Variants in PCDH15 observed in about 807,000 individuals in gnomAD.
PCDH15 encodes the protein protocadherin-15.
Under a neutral mutation model 178.5 loss-of-function variants are expected in PCDH15, and 129 were observed. That is an observed-to-expected ratio of 0.72 (90% CI 0.63 to 0.84). The LOEUF is 0.84. Among genes scored for constraint, PCDH15 ranks in the 40% least tolerant of loss-of-function variants. The pLI is 0.00. For missense variants in PCDH15, 2,230 were observed against 2,099.9 expected (o/e 1.06, Z -1.21); for synonymous variants, 800 against 732.0 (o/e 1.09, Z -1.50).
chr10:54,721,350 A>G lies in PCDH15; in HGVS notation c.-28-57060T>C, dbSNP rs367667814. Among the ~76,000 whole-genome samples, 18 of 151,968 alleles carry G rather than the reference A, an allele frequency of 1.2e-4. No individual in the cohort carries two copies. In the East Asian group the frequency reaches 3.5e-3, roughly 29 times the overall value. On this transcript the variant is annotated intron_variant, in intron 1 of 37. Transcript: ENST00000644397. ...TAGAAAAAGGACAAACCAGACCCAA[A>G]TCTAGCAGAAGAAAAAAAATAACAA...
intron 21 of PCDH15, among the ~76,000 whole-genome samples, chr10:53,983,777 T>C (rs1459095379): frequency 6.6e-6 from 1 of 152,216 alleles, no homozygotes; most frequent in African/African-American, 2.4e-5. Flanking sequence ...AAAAAATTCA[T>C]GTAGCCAAAG....
chr10:54,153,206 T>C lies in PCDH15; in HGVS notation c.1678A>G (p.Lys560Glu), dbSNP rs2044725344. Reference sequence around the variant, plus strand: ...GCGATGGTGATAAGCCCTGTTGTTTTATTGATGATGAAGTCTCCCTGAGCC... The same window carrying C: ...GCGATGGTGATAAGCCCTGTTGTTTCATTGATGATGAAGTCTCCCTGAGCC... ...VGAQGDFIIN[K>E]TTGLITIAPG... The change falls in exon 14 of 38, where the codon AAA becomes GAA. Residue 560 changes from lysine (K) to glutamate (E), a missense_variant. By Grantham distance (56) the Lys-to-Glu change is moderately conservative. Transcript: ENST00000644397. The C allele has an allele frequency of 1.9e-6, 3 of 1,613,838 alleles. No individual in the cohort carries two copies. The highest frequency in any genetic ancestry group is 2.2e-5 in the South Asian group (2 of 91,086).
At chr10:54,090,586 A>G (rs2094583667) in intron 15 of PCDH15, among the ~76,000 whole-genome samples, 1 of 151,540 alleles carries the variant, frequency 6.6e-6, no homozygotes, top group Admixed American at 6.6e-5. Flanking sequence ...AGATGTTTCA[A>G]TGAGCTGAGA....
At chr10:55,346,318 T>A (rs939217032) in intron 2 of PCDH15, among the ~76,000 whole-genome samples, 3 of 152,286 alleles carry the variant, frequency 2.0e-5, no homozygotes, top group Non-Finnish European at 4.4e-5. Context: ...ACTCTTTTTA[T>A]CCAAAATTAT....
chr10:55,441,577 T>G (rs1839186066), intron 2 of PCDH15, among the ~76,000 whole-genome samples: 3 of 152,178 alleles, frequency 2.0e-5, no homozygotes. Context: ...ATCTAAGACC[T>G]CTTTCCTACC....
intron 2 of PCDH15, among the ~76,000 whole-genome samples, chr10:54,990,017 G>T (rs1839462146): frequency 6.6e-6 from 1 of 152,142 alleles, no homozygotes; most frequent in African/African-American, 2.4e-5. Context: ...CTCCATGTAA[G>T]ATGTGACTTG....
At chr10:54,551,853 C>T (rs1421205454) in intron 2 of PCDH15, among the ~76,000 whole-genome samples, 1 of 151,962 alleles carries the variant, frequency 6.6e-6, no homozygotes, top group Non-Finnish European at 1.5e-5. Context: ...AATCTGAGCT[C>T]ACCTATAGCC....
chr10:55,290,825 GA>G (rs1196853643), intron 1 of PCDH15, among the ~76,000 whole-genome samples: 1 of 151,952 alleles, frequency 6.6e-6, no homozygotes, highest in Non-Finnish European at 1.5e-5. Context: ...TAGAAAACAA[GA>G]AAAGGTATGT....
At chr10:55,485,176 A>G (rs1840270168) in intron 2 of PCDH15, among the ~76,000 whole-genome samples, 1 of 151,736 alleles carries the variant, frequency 6.6e-6, no homozygotes, top group Non-Finnish European at 1.5e-5. Context: ...AAGGACCATA[A>G]CTCAATAGCA....
At chr10:55,515,575 TAAG>T (rs1840993592) in intron 2 of PCDH15, among the ~76,000 whole-genome samples, 2 of 152,138 alleles carry the variant, frequency 1.3e-5, no homozygotes, top group Non-Finnish European at 2.9e-5. Flanking sequence ...AATTAATTAA[TAAG>T]TAGTTATGAA....
intron 2 of PCDH15, among the ~76,000 whole-genome samples, chr10:54,615,069 T>C (rs942259397): frequency 1.4e-4 from 21 of 152,080 alleles, no homozygotes; most frequent in African/African-American, 5.1e-4. Context: ...TGTCTAAATG[T>C]TCATCATACT....
intron 2 of PCDH15, among the ~76,000 whole-genome samples, chr10:55,444,365 C>T (rs866366200): frequency 6.6e-6 from 1 of 151,268 alleles, no homozygotes; most frequent in Non-Finnish European, 1.5e-5. Context: ...CACACAAATA[C>T]ACATGTACAT....
chr10:55,536,873 A>C (rs562706517), intron 2 of PCDH15, among the ~76,000 whole-genome samples: 249 of 152,268 alleles, frequency 1.6e-3, no homozygotes, highest in African/African-American at 5.8e-3. Flanking sequence ...ATTACAATTG[A>C]GTCCAAATTC....
At chr10:54,731,090 TAGA>T (rs1170000245) in intron 1 of PCDH15, among the ~76,000 whole-genome samples, 3 of 151,334 alleles carry the variant, frequency 2.0e-5, no homozygotes, top group Non-Finnish European at 4.4e-5. Flanking sequence ...TAAAAATGGG[TAGA>T]AGATCTGAAA....
chr10:55,428,000 GA>G (rs138793676), intron 2 of PCDH15, among the ~76,000 whole-genome samples: 23,079 of 151,882 alleles, frequency 0.15, 1,849 homozygotes, highest in African/African-American at 0.18. Context: ...ATTTTGAACA[GA>G]GAGACTACAT....
intron 2 of PCDH15, among the ~76,000 whole-genome samples, chr10:55,380,549 G>A (rs1274882971): frequency 6.6e-6 from 1 of 152,134 alleles, no homozygotes; most frequent in African/African-American, 2.4e-5. Context: ...CCCTTAGTGG[G>A]TGAAGCTTAG....
chr10:54,115,944 T>G (rs980155249), intron 15 of PCDH15, among the ~76,000 whole-genome samples: 1 of 152,174 alleles, frequency 6.6e-6, no homozygotes, highest in Non-Finnish European at 1.5e-5. Context: ...TTAAACTCAT[T>G]AGATCTGTTG....
chr10:54,500,500 TAGGAGAGGAC>T (rs1294333023), intron 3 of PCDH15, among the ~76,000 whole-genome samples: 2 of 152,068 alleles, frequency 1.3e-5, no homozygotes, highest in African/African-American at 4.8e-5. Flanking sequence ...TACTGTCACT[TAGGAGAGGAC>T]AGGGGTCTAG....
intron 3 of PCDH15, among the ~76,000 whole-genome samples, chr10:54,441,677 T>G (rs1340707176): frequency 3.3e-5 from 5 of 151,976 alleles, no homozygotes. Flanking sequence ...GAATTGTTAA[T>G]GATAGAAATC....
Sources: gnomAD v4.1 joint callset for allele counts (sites outside exome capture counted in the v4.1 genomes callset) on GRCh38, gnomAD v4.1.1 for gene constraint, MANE v1.5 for transcripts, NCBI Gene and HGNC (gene_info 2026-07-23, HGNC 2026-07-21) for gene names.